FAT3: variants seen among roughly 807,000 people sequenced by gnomAD.
FAT3 encodes protocadherin Fat 3.
FAT3 carries 95 observed loss-of-function variants against 310.2 expected under a neutral mutation model. The ratio of observed to expected loss-of-function variants is 0.31; its 90% CI spans 0.26 to 0.36. The LOEUF is 0.36. Ranked by LOEUF, FAT3 falls within the 10% of genes least tolerant of loss-of-function variation. FAT3 has a pLI of 1.00. For synonymous variants in FAT3, 2,314 were observed against 2,192.9 expected (o/e 1.06, Z -1.54); for missense variants, 5,408 against 5,715.6 (o/e 0.95, Z 1.74).
intron 9 of FAT3, 115 bp from the exon 10 acceptor site, chr11:92,797,721 T>C: frequency 1.2e-6 from 1 of 858,296 alleles, no homozygotes. Context: ...AGATGAGTAC[T>C]ATAATTGCTT....
At chr11:92,449,714 A>G (rs1951308729) in intron 2 of FAT3, among the ~76,000 whole-genome samples, 1 of 152,142 alleles carries the variant, frequency 6.6e-6, no homozygotes, top group Non-Finnish European at 1.5e-5. Context: ...GTACTTATGT[A>G]CCTTATGCTG....
At chr11:92,278,657 T>C (rs924779650) in intron 1 of FAT3, among the ~76,000 whole-genome samples, 11 of 152,178 alleles carry the variant, frequency 7.2e-5, no homozygotes, top group Non-Finnish European at 1.0e-4. Flanking sequence ...AAGAAAATTA[T>C]AAGAACCTGT....
At chr11:92,306,417 T>C (rs1947117242) in intron 1 of FAT3, among the ~76,000 whole-genome samples, 1 of 146,092 alleles carries the variant, frequency 6.8e-6, no homozygotes, top group Non-Finnish European at 1.5e-5. Flanking sequence ...GTAGCTTCAG[T>C]TTTAGTACCC....
intron 2 of FAT3, among the ~76,000 whole-genome samples, chr11:92,370,495 G>A (rs769983935): frequency 6.6e-6 from 1 of 152,146 alleles, no homozygotes; most frequent in Non-Finnish European, 1.5e-5. Context: ...GTAGAGTTAG[G>A]TATTTCTTTC....
intron 20 of FAT3, among the ~76,000 whole-genome samples, chr11:92,858,799 T>G (rs1391325651): frequency 6.6e-6 from 1 of 152,130 alleles, no homozygotes; most frequent in African/African-American, 2.4e-5. Flanking sequence ...AATGCCTAAG[T>G]GATTGGGGGT....
At chr11:92,265,823 A>C (rs1360565021) in intron 1 of FAT3, among the ~76,000 whole-genome samples, 1 of 152,070 alleles carries the variant, frequency 6.6e-6, no homozygotes, top group African/African-American at 2.4e-5. Flanking sequence ...CTCTACCCTC[A>C]TGATTTAATC....
intron 2 of FAT3, among the ~76,000 whole-genome samples, chr11:92,471,668 C>G (rs1951906718): frequency 6.6e-6 from 1 of 151,934 alleles, no homozygotes; most frequent in Non-Finnish European, 1.5e-5. Context: ...TGCATTTACG[C>G]TAATCAGTAT....
At chr11:92,400,092 G>A (rs1949977550) in intron 2 of FAT3, 1 of 152,132 alleles carries the variant, frequency 6.6e-6, no homozygotes, top group Non-Finnish European at 1.5e-5. Context: ...ACTTCGCAGT[G>A]GAGTAGCTTT....
chr11:92,296,806 T>C (rs1360086250), intron 1 of FAT3, among the ~76,000 whole-genome samples: 2 of 152,214 alleles, frequency 1.3e-5, no homozygotes, highest in East Asian at 3.9e-4. Flanking sequence ...CCTTAAATCA[T>C]GGCAGTCCCT....
At chr11:92,713,075 G>C (rs530740443) in intron 4 of FAT3, among the ~76,000 whole-genome samples, 114 of 152,268 alleles carry the variant, frequency 7.5e-4, no homozygotes, top group Non-Finnish European at 1.4e-3. Context: ...TCTGACATAA[G>C]AGATTAAGAA....
intron 1 of FAT3, among the ~76,000 whole-genome samples, chr11:92,289,950 C>G (rs111564252): frequency 1.0e-3 from 153 of 152,200 alleles, no homozygotes; most frequent in Non-Finnish European, 2.0e-3. Flanking sequence ...GAATCTGACC[C>G]TTTGTTTTTC....
intron 2 of FAT3, among the ~76,000 whole-genome samples, chr11:92,494,665 A>G (rs1272506087): frequency 6.6e-6 from 1 of 152,078 alleles, no homozygotes; most frequent in African/African-American, 2.4e-5. Flanking sequence ...CAACTTGCCC[A>G]ATATTTCTCA....
intron 4 of FAT3, among the ~76,000 whole-genome samples, chr11:92,759,284 G>C (rs769208693): frequency 9.2e-5 from 14 of 152,326 alleles, no homozygotes; most frequent in Non-Finnish European, 1.9e-4. Context: ...AGCGTGTTCT[G>C]TGGCTTGACA....
intron 18 of FAT3, among the ~76,000 whole-genome samples, chr11:92,842,479 T>G (rs1948577741): frequency 6.6e-6 from 1 of 152,224 alleles, no homozygotes; most frequent in African/African-American, 2.4e-5. Flanking sequence ...TCAAGTTCAG[T>G]CTCATCTGCT....
At chr11:92,702,186 G>C (rs1419491300) in intron 4 of FAT3, among the ~76,000 whole-genome samples, 1 of 152,194 alleles carries the variant, frequency 6.6e-6, no homozygotes, top group African/African-American at 2.4e-5. Flanking sequence ...CTGTTAGACA[G>C]TACATGTTCC....
chr11:92,567,603 A>C (rs1955509672), intron 3 of FAT3, among the ~76,000 whole-genome samples: 1 of 151,924 alleles, frequency 6.6e-6, no homozygotes, highest in South Asian at 2.1e-4. Flanking sequence ...TTATTGCGGC[A>C]CTATTCACAA....
intron 3 of FAT3, among the ~76,000 whole-genome samples, chr11:92,593,126 T>C (rs1041142952): frequency 3.9e-5 from 6 of 152,200 alleles, no homozygotes; most frequent in Non-Finnish European, 1.5e-5. Flanking sequence ...ATGTTGTATG[T>C]GTCGGAATTT....
chr11:92,477,005 A>G (rs1277871722), intron 2 of FAT3, among the ~76,000 whole-genome samples: 1 of 152,194 alleles, frequency 6.6e-6, no homozygotes, highest in African/African-American at 2.4e-5. Flanking sequence ...GTAATGGAAA[A>G]CATAAATAGT....
chr11:92,596,347 C>T lies in FAT3; in HGVS notation c.3607+71399C>T, dbSNP rs560413662. Among the ~76,000 whole-genome samples the T allele has an allele frequency of 7.9e-4, 120 of 152,204 alleles. 1 individual carries two copies. The highest frequency in any genetic ancestry group is 1.3e-3 in the Non-Finnish European group (91 of 67,996). ...GGGACTCCAGGGAGCTGTCTTGAAG[C>T]CACATTTGTAGAGTCAACACAATTT... On this transcript the variant is annotated intron_variant, in intron 3 of 27. Transcript: ENST00000525166.
Sources: gnomAD v4.1 joint callset for allele counts (sites outside exome capture counted in the v4.1 genomes callset) on GRCh38, gnomAD v4.1.1 for gene constraint, MANE v1.5 for transcripts, NCBI Gene and HGNC (gene_info 2026-07-23, HGNC 2026-07-21) for gene names.